Variants in ADGRB3 observed in about 807,000 individuals in gnomAD.
ADGRB3 encodes brain-specific angiogenesis inhibitor 3.
In ADGRB3, 37 loss-of-function variants were observed where a neutral mutation model predicts 193.4. The observed-to-expected ratio is 0.19, with a 90% CI of 0.15 to 0.25. The LOEUF (loss-of-function observed/expected upper bound fraction) is 0.25, where lower values mean the gene tolerates loss of function less well. ADGRB3 is among the 10% of genes least tolerant of loss of function. The probability of loss-of-function intolerance (pLI) is 1.00; values close to 1 mark genes in which losing one functional copy is unlikely to be tolerated. For synonymous variants in ADGRB3, 690 were observed against 644.2 expected (o/e 1.07, Z -1.08); for missense variants, 1,637 against 1,852.9 (o/e 0.88, Z 2.14).
At chr6:69,330,909 A>C (rs1467556469) in intron 23 of ADGRB3, among the ~76,000 whole-genome samples, 1 of 152,202 alleles carries the variant, frequency 6.6e-6, no homozygotes, top group African/African-American at 2.4e-5. Flanking sequence ...ACTATTCTGT[A>C]CAATACATAT....
intron 8 of ADGRB3, among the ~76,000 whole-genome samples, chr6:68,967,796 G>A (rs1768426852): frequency 6.6e-6 from 1 of 152,150 alleles, no homozygotes; most frequent in Admixed American, 6.6e-5. Context: ...GAGAGGAAGG[G>A]GTGGGAGTGT....
chr6:68,716,970 A>G (rs1487169616), intron 3 of ADGRB3, among the ~76,000 whole-genome samples: 2 of 151,652 alleles, frequency 1.3e-5, no homozygotes, highest in African/African-American at 2.4e-5. Context: ...ATTTTCCATG[A>G]AGAGACATTG....
intron 3 of ADGRB3, among the ~76,000 whole-genome samples, chr6:68,660,797 G>C (rs1445713666): frequency 6.6e-6 from 1 of 150,824 alleles, no homozygotes; most frequent in East Asian, 1.9e-4. Context: ...ATTGAGTTTT[G>C]CCATAAGTTT....
intron 17 of ADGRB3, among the ~76,000 whole-genome samples, chr6:69,085,431 T>C (rs1277611164): frequency 2.0e-5 from 3 of 152,080 alleles, no homozygotes; most frequent in African/African-American, 7.2e-5. Context: ...AGCTGGCTGG[T>C]AAGGATAGGC....
intron 28 of ADGRB3, 114 bp from the exon 29 acceptor site, chr6:69,360,755 A>G: frequency 9.1e-7 from 1 of 1,098,376 alleles, no homozygotes; most frequent in Non-Finnish European, 1.3e-6. Flanking sequence ...TAAATAACAT[A>G]CCTACCAAAT....
intron 17 of ADGRB3, among the ~76,000 whole-genome samples, chr6:69,114,709 A>G (rs1282859722): frequency 6.6e-6 from 1 of 152,172 alleles, no homozygotes; most frequent in Non-Finnish European, 1.5e-5. Flanking sequence ...GAAGGGGTCC[A>G]GTTTCAGTTT....
intron 3 of ADGRB3, among the ~76,000 whole-genome samples, chr6:68,693,559 A>C (rs1051803035): frequency 6.6e-6 from 1 of 152,004 alleles, no homozygotes; most frequent in African/African-American, 2.4e-5. Flanking sequence ...AAAGAAAATG[A>C]TAGTGGGAAA....
chr6:68,998,980 C>T (rs1020917836), intron 11 of ADGRB3, among the ~76,000 whole-genome samples: 6 of 152,114 alleles, frequency 3.9e-5, no homozygotes, highest in African/African-American at 1.4e-4. Flanking sequence ...TATTTGTGCC[C>T]TGTATGTAAG....
chr6:68,933,807 C>G (rs1339943394), intron 4 of ADGRB3, among the ~76,000 whole-genome samples: 3 of 152,128 alleles, frequency 2.0e-5, no homozygotes, highest in Admixed American at 2.0e-4. Flanking sequence ...CTCAAGGTCA[C>G]AGAGCTATTA....
At chr6:68,907,024 A>C (rs973060928) in intron 3 of ADGRB3, among the ~76,000 whole-genome samples, 1 of 151,942 alleles carries the variant, frequency 6.6e-6, no homozygotes. Context: ...ACCTCAAATG[A>C]AAATAATATA....
At chr6:69,299,158 C>T (rs1388127060) in intron 20 of ADGRB3, among the ~76,000 whole-genome samples, 2 of 151,874 alleles carry the variant, frequency 1.3e-5, no homozygotes, top group Non-Finnish European at 2.9e-5. Flanking sequence ...TTTCATACGC[C>T]TGTTGGCCAT....
chr6:69,205,195 A>T (rs146169553), intron 17 of ADGRB3, among the ~76,000 whole-genome samples: 2 of 152,284 alleles, frequency 1.3e-5, no homozygotes, highest in East Asian at 3.9e-4. Context: ...GCTAATGTCC[A>T]TTCAATATAA....
At chr6:69,327,724 T>C in intron 21 of ADGRB3, 96 bp from the exon 22 acceptor site, 2 of 916,930 alleles carry the variant, frequency 2.2e-6, no homozygotes, top group Non-Finnish European at 3.2e-6. Context: ...ATAGTTTATC[T>C]AATTTGAGCA....
intron 5 of ADGRB3, among the ~76,000 whole-genome samples, chr6:68,942,188 CAATT>C (rs1439861998): frequency 2.0e-5 from 3 of 152,000 alleles, no homozygotes; most frequent in Non-Finnish European, 4.4e-5. Flanking sequence ...GGGTATCTCA[CAATT>C]AAGGTATACT....
intron 3 of ADGRB3, among the ~76,000 whole-genome samples, chr6:68,706,592 G>A (rs1320030905): frequency 6.6e-6 from 1 of 152,106 alleles, no homozygotes; most frequent in Non-Finnish European, 1.5e-5. Flanking sequence ...TGTGACCTTG[G>A]GCAAGTTACT....
intron 8 of ADGRB3, among the ~76,000 whole-genome samples, chr6:68,958,016 C>A (rs192598207): frequency 1.3e-5 from 2 of 151,920 alleles, no homozygotes; most frequent in Non-Finnish European, 2.9e-5. Flanking sequence ...GCCTGGCCAA[C>A]GTGGCGAAAC....
At chr6:69,383,040 T>A (rs570670953) in intron 31 of ADGRB3, 105 bp downstream of exon 31, 2 of 643,876 alleles carry the variant, frequency 3.1e-6, no homozygotes, top group South Asian at 3.4e-5. Context: ...TGAGTCTACA[T>A]AGAAAAAAAA....
intron 17 of ADGRB3, chr6:69,233,059 C>A: frequency 1.8e-6 from 1 of 561,518 alleles, no homozygotes; most frequent in Non-Finnish European, 3.0e-6. Context: ...ACCTCCGGCG[C>A]TGGACAGCTC....
At chr6:68,893,763 G>GT (rs1361981159) in intron 3 of ADGRB3, among the ~76,000 whole-genome samples, 2 of 151,828 alleles carry the variant, frequency 1.3e-5, no homozygotes, top group African/African-American at 4.8e-5. Context: ...ATGTACTTAA[G>GT]TTTTTTGCCA....
Sources: gnomAD v4.1 joint callset for allele counts (sites outside exome capture counted in the v4.1 genomes callset) on GRCh38, gnomAD v4.1.1 for gene constraint, MANE v1.5 for transcripts, NCBI Gene and HGNC (gene_info 2026-07-23, HGNC 2026-07-21) for gene names.